The following SPMIP2 variants were observed in gnomAD, a reference collection of about 807,000 sequenced individuals.
The protein encoded by SPMIP2 is sperm microtubule inner protein 2.
chr4:159,028,886 G>A, the SPMIP2 span, among the ~76,000 whole-genome samples: 1 of 152,110 alleles, frequency 6.6e-6, no homozygotes, highest in Non-Finnish European at 1.5e-5. Context: ...CTTGAGCTCA[G>A]GAGTTCGAGA....
chr4:158,985,417 T>C, the SPMIP2 span, among the ~76,000 whole-genome samples: 2 of 150,624 alleles, frequency 1.3e-5, no homozygotes, highest in Non-Finnish European at 3.0e-5. Context: ...CAGCAGCACA[T>C]CAAAAAGCTT....
the SPMIP2 span, among the ~76,000 whole-genome samples, chr4:158,988,281 A>G: frequency 6.6e-6 from 1 of 152,218 alleles, no homozygotes; most frequent in Non-Finnish European, 1.5e-5. Context: ...GTCCAGGACC[A>G]GACAGATTCA....
chr4:158,962,192 C>T, the SPMIP2 span, among the ~76,000 whole-genome samples: 2 of 152,132 alleles, frequency 1.3e-5, no homozygotes, highest in African/African-American at 2.4e-5. Context: ...TAATTGCAGA[C>T]ATTTGGGGCA....
chr4:159,031,434 C>T, the SPMIP2 span, among the ~76,000 whole-genome samples: 1 of 152,084 alleles, frequency 6.6e-6, no homozygotes, highest in African/African-American at 2.4e-5. Context: ...CCAGTTTCTG[C>T]AACAAGTAAA....
the SPMIP2 span, among the ~76,000 whole-genome samples, chr4:158,938,205 A>T: frequency 6.6e-6 from 1 of 152,250 alleles, no homozygotes; most frequent in Non-Finnish European, 1.5e-5. Flanking sequence ...ACGTCATCCC[A>T]AATTGCCAGT....
chr4:158,945,837 G>A, the SPMIP2 span, among the ~76,000 whole-genome samples: 2 of 152,100 alleles, frequency 1.3e-5, no homozygotes, highest in Non-Finnish European at 2.9e-5. Flanking sequence ...TAACTTGTCT[G>A]TTATTTTTTT....
At chr4:159,063,785 G>A in the SPMIP2 span, among the ~76,000 whole-genome samples, 10 of 151,996 alleles carry the variant, frequency 6.6e-5, no homozygotes, top group South Asian at 2.1e-4. Context: ...ATAGTAAGAC[G>A]AACAGAGAAT....
At chr4:158,904,711 G>A in the SPMIP2 span, 1 of 616,448 alleles carries the variant, frequency 1.6e-6, no homozygotes, top group African/African-American at 1.8e-5. Context: ...CTTCATTGAA[G>A]ACTTAGGTTT....
At chr4:158,982,024 G>A in the SPMIP2 span, among the ~76,000 whole-genome samples, 5 of 151,976 alleles carry the variant, frequency 3.3e-5, no homozygotes, top group Admixed American at 3.3e-4. Flanking sequence ...ATAAAGGGAT[G>A]GAGGAATATT....
At chr4:158,968,425 G>A in the SPMIP2 span, among the ~76,000 whole-genome samples, 23 of 152,172 alleles carry the variant, frequency 1.5e-4, no homozygotes, top group African/African-American at 5.3e-4. Context: ...TGAAGAAAGG[G>A]ATGCATACCT....
the SPMIP2 span, among the ~76,000 whole-genome samples, chr4:159,075,786 CATCT>C: frequency 7.2e-6 from 1 of 138,614 alleles, no homozygotes; most frequent in African/African-American, 3.0e-5. Flanking sequence ...TAATTTGACT[CATCT>C]TTTTTTTTTT....
the SPMIP2 span, among the ~76,000 whole-genome samples, chr4:158,988,365 A>C: frequency 6.6e-6 from 1 of 152,202 alleles, no homozygotes; most frequent in African/African-American, 2.4e-5. Flanking sequence ...TAATAGAAAA[A>C]GAGGGACTTC....
chr4:158,960,326 C>G, the SPMIP2 span: 1 of 1,570,136 alleles, frequency 6.4e-7, no homozygotes, highest in Non-Finnish European at 8.7e-7. Flanking sequence ...TCAAGAGAAG[C>G]TTGACTTAGT....
At chr4:158,954,189 T>C in the SPMIP2 span, among the ~76,000 whole-genome samples, 24 of 152,272 alleles carry the variant, frequency 1.6e-4, no homozygotes, top group African/African-American at 5.1e-4. Context: ...ATAATTCCCA[T>C]GTGTTGTGGG....
the SPMIP2 span, chr4:158,904,500 A>T: frequency 6.2e-7 from 1 of 1,613,364 alleles, no homozygotes; most frequent in Non-Finnish European, 8.5e-7. Context: ...GTTGACTGCT[A>T]TTGCCAGTAC....
At chr4:159,033,641 G>A in the SPMIP2 span, among the ~76,000 whole-genome samples, 3 of 152,276 alleles carry the variant, frequency 2.0e-5, no homozygotes, top group South Asian at 6.2e-4. Context: ...TTGCAGATAA[G>A]CAGTGTACTC....
chr4:159,037,811 CACACACACACACACACAT>C, the SPMIP2 span, among the ~76,000 whole-genome samples: 460 of 140,840 alleles, frequency 3.3e-3, 2 homozygotes, highest in African/African-American at 0.01. Flanking sequence ...CACACACACA[CACACACACACACACACAT>C]ATATATATGT....
At chr4:158,945,381 T>C in the SPMIP2 span, among the ~76,000 whole-genome samples, 2 of 152,196 alleles carry the variant, frequency 1.3e-5, no homozygotes, top group Non-Finnish European at 2.9e-5. Flanking sequence ...AGGAGCAGTT[T>C]GATGGAAAGG....
the SPMIP2 span, among the ~76,000 whole-genome samples, chr4:158,963,163 ATATAG>A: frequency 1.3e-5 from 2 of 152,086 alleles, no homozygotes; most frequent in African/African-American, 4.8e-5. Context: ...AGGCAGGAAA[ATATAG>A]TAGAGAGAGA....
Sources: allele counts gnomAD v4.1 joint callset (sites outside exome capture counted in the v4.1 genomes callset), GRCh38; gene constraint gnomAD v4.1.1; transcripts MANE v1.5; gene names NCBI Gene and HGNC (gene_info 2026-07-23, HGNC 2026-07-21).